SCLT1: variants seen among roughly 807,000 people sequenced by gnomAD.
The protein encoded by SCLT1 is sodium channel and clathrin linker 1, also known as sodium channel-associated protein 1.
In SCLT1, 78 loss-of-function variants were observed where a neutral mutation model predicts 112.8. The ratio of observed to expected loss-of-function variants is 0.69; its 90% CI spans 0.58 to 0.83. SCLT1 has a LOEUF of 0.83. Among genes scored for constraint, SCLT1 ranks in the 40% least tolerant of loss-of-function variants. SCLT1 has a pLI of 0.00. For missense variants in SCLT1, 747 were observed against 770.4 expected (o/e 0.97, Z 0.36); for synonymous variants, 257 against 254.7 (o/e 1.01, Z -0.09).
At chr4:128,980,992 A>AT (rs1033461853) in intron 9 of SCLT1, among the ~76,000 whole-genome samples, 2 of 152,214 alleles carry the variant, frequency 1.3e-5, no homozygotes, top group Non-Finnish European at 2.9e-5. Context: ...TAATTTAATT[A>AT]TTTAATTAAC....
Position 128,893,700 on chromosome 4 carries a change from G to A in SCLT1, c.1830-2563C>T, listed in dbSNP as rs182969259. ...TGGGACTACAGGCGCCCGCCACCAC[G>A]CCCAGCTAATTTTTGTATTTTTAGT... On this transcript the variant is annotated intron_variant, in intron 18 of 20. Coordinates refer to ENST00000281142, the MANE Select transcript of SCLT1 (RefSeq NM_144643.4). Among the ~76,000 whole-genome samples the A allele has an allele frequency of 4.3e-3, 654 of 151,818 alleles. 4 individuals carry two copies. Among genetic ancestry groups the A allele is most frequent in the Middle Eastern group, 0.024 (7 of 294 alleles).
At chr4:129,028,206 C>T (rs1746316972) in intron 5 of SCLT1, among the ~76,000 whole-genome samples, 2 of 152,108 alleles carry the variant, frequency 1.3e-5, no homozygotes, top group South Asian at 4.1e-4. Context: ...CAAAAAAGAG[C>T]CCGCATCGCC....
intron 5 of SCLT1, among the ~76,000 whole-genome samples, chr4:129,005,238 A>G (rs971080020): frequency 6.6e-6 from 1 of 152,184 alleles, no homozygotes; most frequent in Non-Finnish European, 1.5e-5. Context: ...CATCATTTTC[A>G]TCATATGGTT....
chr4:129,075,208 C>T (rs1459888350), intron 2 of SCLT1, among the ~76,000 whole-genome samples: 7 of 152,050 alleles, frequency 4.6e-5, no homozygotes, highest in African/African-American at 1.7e-4. Context: ...TATTGGCTAC[C>T]AAATATGTAA....
At chr4:129,086,700 C>G (rs944218750) in intron 1 of SCLT1, among the ~76,000 whole-genome samples, 1 of 151,882 alleles carries the variant, frequency 6.6e-6, no homozygotes, top group South Asian at 2.1e-4. Context: ...TACTGACAAG[C>G]GCAGAAGGAC....
chr4:128,910,717 C>A (rs567686850), intron 18 of SCLT1, among the ~76,000 whole-genome samples: 1 of 151,876 alleles, frequency 6.6e-6, no homozygotes, highest in Non-Finnish European at 1.5e-5. Flanking sequence ...TTTAATACGT[C>A]TGGAATTTAT....
chr4:128,896,309 G>A (rs536133487), intron 18 of SCLT1, among the ~76,000 whole-genome samples: 2 of 152,164 alleles, frequency 1.3e-5, no homozygotes, highest in South Asian at 2.1e-4. Flanking sequence ...CTGGCTGGGT[G>A]CTCCTCTGAG....
intron 5 of SCLT1, chr4:128,873,900 G>A (rs1235655710): frequency 1.3e-5 from 2 of 152,646 alleles, no homozygotes; most frequent in African/African-American, 2.4e-5. Flanking sequence ...TGCTATGCAA[G>A]TTTTATCAGA....
chr4:128,888,543 T>G (rs1196272756), intron 20 of SCLT1, 136 bp downstream of exon 20: 1 of 524,668 alleles, frequency 1.9e-6, no homozygotes, highest in African/African-American at 2.0e-5. Context: ...TGTTTACTTT[T>G]TCAACCTCAC....
chr4:128,917,397 T>G (rs1442720815), intron 18 of SCLT1, among the ~76,000 whole-genome samples: 1 of 152,204 alleles, frequency 6.6e-6, no homozygotes, highest in African/African-American at 2.4e-5. Flanking sequence ...AATTATTATG[T>G]ATTATTTAAG....
chr4:129,033,619 T>A (rs899093959), intron 5 of SCLT1, among the ~76,000 whole-genome samples: 1 of 149,934 alleles, frequency 6.7e-6, no homozygotes, highest in Admixed American at 6.7e-5. Flanking sequence ...CAGGGCTAGA[T>A]AATGCGCTCA....
chr4:129,068,386 G>A (rs1293523736), intron 2 of SCLT1, among the ~76,000 whole-genome samples: 1 of 152,120 alleles, frequency 6.6e-6, no homozygotes, highest in Non-Finnish European at 1.5e-5. Context: ...AACATCTACT[G>A]TTTTTTGATT....
At chr4:129,014,932 G>A (rs982505642) in intron 5 of SCLT1, among the ~76,000 whole-genome samples, 3 of 152,094 alleles carry the variant, frequency 2.0e-5, no homozygotes, top group Admixed American at 6.5e-5. Context: ...CTACGTGGGT[G>A]GTCGTGCAGG....
Position 128,946,053 on chromosome 4 carries a change from G to A in SCLT1, c.1393C>T (p.Leu465=), listed in dbSNP as rs1333694588. ...CTATTTTCTGCTCTCGTAAGTCTTA[G>A]CTGAAGATCATCTTTTGAACGCTCT... The part of the protein sequence containing the change: ...VSERSKDDLQ[L]RLTRAENRIK... The change falls in exon 16 of 21, where the codon CTA becomes TTA. Residue 465 remains leucine (L), a synonymous_variant. Transcript: ENST00000281142. 1.9e-6 allele frequency: 3 copies of A among 1,611,456 alleles called. No homozygotes were observed.
At chr4:129,007,706 T>C (rs1035973372) in intron 5 of SCLT1, among the ~76,000 whole-genome samples, 2 of 152,208 alleles carry the variant, frequency 1.3e-5, no homozygotes, top group South Asian at 2.1e-4. Context: ...AATTATAGCA[T>C]GTAGTACAGC....
At chr4:129,074,592 C>T (rs2125760116) in intron 2 of SCLT1, among the ~76,000 whole-genome samples, 1 of 152,204 alleles carries the variant, frequency 6.6e-6, no homozygotes, top group South Asian at 2.1e-4. Flanking sequence ...ATGTTCTTTT[C>T]ATTTTCTCTA....
rs2125699025 is a variant in SCLT1, at chr4:129,043,458, A to C, written c.171T>G (p.Ala57=). Residue 57 remains alanine (A), a synonymous_variant, in exon 4 of 21, where the codon GCT becomes GCG. Transcript: ENST00000281142. ...ENLVFDQSFL[A]PLVTEYDKHL... The stretch of plus-strand genomic sequence containing the variant: ...GTTTATCATACTCAGTAACAAGAGG[A>C]GCTAAAAAGCTAAAAAAAGACAATA... The C allele has an allele frequency of 6.8e-7, 1 of 1,468,920 alleles. No homozygotes were observed. Among genetic ancestry groups the C allele is most frequent in the East Asian group, 2.3e-5 (1 of 43,742 alleles). The allele number at this position is 1,468,920 out of a possible 1,614,324, so 91.0% of individuals were successfully genotyped here. A position where few individuals can be genotyped will look rare whatever the true frequency, so the allele number is the denominator to read the frequency against.
At chr4:129,036,167 G>A (rs1171238902) in intron 5 of SCLT1, among the ~76,000 whole-genome samples, 1 of 151,954 alleles carries the variant, frequency 6.6e-6, no homozygotes, top group African/African-American at 2.4e-5. Context: ...TTTAAAACCT[G>A]ATTAACACTT....
At position 129,093,057 on chromosome 4, in the gene SCLT1, AC is replaced by A. The variant is rs1561079971; in HGVS notation, c.34+12del. 1.2e-6 allele frequency: 2 copies of A among 1,600,666 alleles called. No individual in the cohort carries two copies. The highest frequency in any genetic ancestry group is 1.7e-6 in the Non-Finnish European group (2 of 1,167,680). ...ACATTGTATATGAAGTCTCAAAAAA[AC>A]ATGGAGCTTACTTTGCTCTCTCAGA... On this transcript the variant is annotated intron_variant, in intron 1 of 20. Coordinates refer to ENST00000281142, the MANE Select transcript of SCLT1 (RefSeq NM_144643.4).
Sources: gnomAD v4.1 joint callset for allele counts (sites outside exome capture counted in the v4.1 genomes callset) on GRCh38, gnomAD v4.1.1 for gene constraint, MANE v1.5 for transcripts, NCBI Gene and HGNC (gene_info 2026-07-23, HGNC 2026-07-21) for gene names.